Variants in P4HA3 observed in about 807,000 individuals in gnomAD.
P4HA3 encodes the protein prolyl 4-hydroxylase subunit alpha 3, also known as prolyl 4-hydroxylase subunit alpha-3.
Under a neutral mutation model 66.7 loss-of-function variants are expected in P4HA3, and 60 were observed. The ratio of observed to expected loss-of-function variants is 0.90; its 90% CI spans 0.73 to 1.12. P4HA3 has a LOEUF of 1.12. P4HA3 is among the 50% of genes most tolerant of loss of function. The pLI is 0.00. For missense variants in P4HA3, 683 were observed against 685.8 expected (o/e 1.00, Z 0.05); for synonymous variants, 263 against 274.6 (o/e 0.96, Z 0.42).
intron 7 of P4HA3, chr11:74,285,596 C>T (rs959430924): frequency 9.7e-6 from 5 of 515,066 alleles, no homozygotes; most frequent in African/African-American, 5.7e-5. Context: ...CCAGAGAATC[C>T]TCTTGTACAT....
chr11:74,308,537 T>C (rs1005801548), intron 1 of P4HA3, among the ~76,000 whole-genome samples: 1 of 152,218 alleles, frequency 6.6e-6, no homozygotes, highest in Non-Finnish European at 1.5e-5. Context: ...AGACCCTGTC[T>C]CTTAAAAAGC....
At chr11:74,282,571 C>T (rs1484666467) in intron 7 of P4HA3, among the ~76,000 whole-genome samples, 1 of 152,098 alleles carries the variant, frequency 6.6e-6, no homozygotes, top group African/African-American at 2.4e-5. Context: ...AGCAGCCAGG[C>T]CATGGAGACT....
At chr11:74,278,666 C>T (rs1251130271) in intron 8 of P4HA3, among the ~76,000 whole-genome samples, 1 of 152,168 alleles carries the variant, frequency 6.6e-6, no homozygotes, top group Middle Eastern at 3.2e-3. Flanking sequence ...AGCAATGAGG[C>T]TGAGGTCATA....
At chr11:74,251,612 C>A (rs1468752651) in intron 15 of P4HA3, 11 of 1,606,980 alleles carry the variant, frequency 6.8e-6, no homozygotes, top group Non-Finnish European at 9.3e-6. Flanking sequence ...CCATCACTAA[C>A]CTTTATATGG....
chr11:74,310,415 A>G (rs764883116), intron 1 of P4HA3, among the ~76,000 whole-genome samples: 6 of 152,242 alleles, frequency 3.9e-5, no homozygotes, highest in Non-Finnish European at 8.8e-5. Flanking sequence ...TATCTTCTGC[A>G]TCAAGTATGT....
downstream of P4HA3, among the ~76,000 whole-genome samples, chr11:74,262,588 T>A (rs1859924641): frequency 6.6e-6 from 1 of 152,132 alleles, no homozygotes; most frequent in Non-Finnish European, 1.5e-5. Flanking sequence ...TTAAACCCCA[T>A]TTTCCTCCTT....
Position 74,279,363 on chromosome 11 carries a change from A to T in P4HA3, c.1175+25T>A, listed in dbSNP as rs544948636. On this transcript the variant is annotated intron_variant, in intron 8 of 12. Transcript: ENST00000331597. The stretch of plus-strand genomic sequence containing the variant: ...TACGGCCCGAGGGTGGGCAGCAGGT[A>T]TGACCAAGGAAGGGCCCTTCTTACC... The T allele has an allele frequency of 3.7e-6, 6 of 1,609,004 alleles. No homozygotes were observed. In the Admixed American group the frequency reaches 1.0e-4, roughly 27 times the overall value.
At chr11:74,279,579 G>C in intron 7 of P4HA3, 127 bp from the exon 8 acceptor site, 1 of 864,762 alleles carries the variant, frequency 1.2e-6, no homozygotes, top group Non-Finnish European at 1.9e-6. Flanking sequence ...TTAATTAGAG[G>C]ACATTTTGCA....
intron 9 of P4HA3, among the ~76,000 whole-genome samples, chr11:74,276,335 G>C (rs1860392618): frequency 6.6e-6 from 1 of 152,170 alleles, no homozygotes; most frequent in African/African-American, 2.4e-5. Context: ...GACTGAGGTG[G>C]GAGGATCGCT....
chr11:74,306,078 T>G (rs551409532), intron 1 of P4HA3, among the ~76,000 whole-genome samples: 1 of 151,892 alleles, frequency 6.6e-6, no homozygotes, highest in Non-Finnish European at 1.5e-5. Context: ...GGAGGCCACT[T>G]CAAAACTGCA....
intron 15 of P4HA3, among the ~76,000 whole-genome samples, chr11:74,252,250 TG>T (rs1457313017): frequency 6.4e-5 from 9 of 141,324 alleles, no homozygotes; most frequent in Admixed American, 3.4e-4. Context: ...TTTTTTTTTT[TG>T]TTTTTTTTTT....
intron 4 of P4HA3, among the ~76,000 whole-genome samples, chr11:74,291,844 T>A (rs1861038505): frequency 1.3e-5 from 2 of 152,202 alleles, no homozygotes; most frequent in South Asian, 4.1e-4. Flanking sequence ...GGATTCGGTT[T>A]GCCAGTATTT....
At position 74,275,422 on chromosome 11, in the gene P4HA3, T is replaced by C. The variant is rs761691481; in HGVS notation, c.1335+1563A>G. On this transcript the variant is annotated intron_variant, in intron 9 of 12. Transcript: ENST00000331597. Reference sequence around the variant, plus strand: ...TATTAAATTGTTCCAATACTGTCTATTGAAAAGATTGTATTTTCTTCATTG... The same window carrying C: ...TATTAAATTGTTCCAATACTGTCTACTGAAAAGATTGTATTTTCTTCATTG... Among the ~76,000 whole-genome samples the C allele has an allele frequency of 2.0e-4, 30 of 152,358 alleles. No homozygotes were observed. In the Middle Eastern group the frequency reaches 0.014, roughly 69 times the overall value.
intron 15 of P4HA3, chr11:74,252,515 G>A: frequency 2.2e-6 from 1 of 456,242 alleles, no homozygotes; most frequent in East Asian, 6.9e-5. Flanking sequence ...GAAGCTGGCA[G>A]AATATTAGCC....
In P4HA3 at chr11:74,276,415, A is replaced by T. The variant is rs186406673; in HGVS notation, c.1335+570T>A. Among the ~76,000 whole-genome samples the T allele has an allele frequency of 3.3e-3, 501 of 151,312 alleles. 4 individuals are homozygous for T. In the Middle Eastern group the frequency reaches 0.035, roughly 10 times the overall value. ...TTGTCTCTACAAAAAAAATTTTTTTAAATTAGCCAGGTGTAGTCCTAGAGC... is the reference window on the plus strand; with the variant it reads ...TTGTCTCTACAAAAAAAATTTTTTTTAATTAGCCAGGTGTAGTCCTAGAGC... On this transcript the variant is annotated intron_variant, in intron 9 of 12. Transcript: ENST00000331597.
intron 15 of P4HA3, among the ~76,000 whole-genome samples, chr11:74,256,466 C>T (rs1591078632): frequency 2.6e-5 from 4 of 152,206 alleles, no homozygotes; most frequent in African/African-American, 7.2e-5. Context: ...CCCACAGCCA[C>T]GGCCAGAGTG....
intron 4 of P4HA3, among the ~76,000 whole-genome samples, chr11:74,295,816 C>CTTTTAATT (rs1861194202): frequency 6.6e-6 from 1 of 152,166 alleles, no homozygotes; most frequent in Admixed American, 6.5e-5. Flanking sequence ...ATGAATTACT[C>CTTTTAATT]TGTTCTACAT....
At chr11:74,275,888 C>T (rs500398) in intron 9 of P4HA3, among the ~76,000 whole-genome samples, 38,342 of 152,020 alleles carry the variant, frequency 0.25, 5,347 homozygotes, top group Non-Finnish European at 0.32. Context: ...ACAGCAAAGT[C>T]ATGGAACCAA....
chr11:74,285,955 A>C lies in P4HA3; in HGVS notation c.964T>G (p.Cys322Gly). ...GCGTTGGAATTGGTCTCATAGGAACAGTAGAGGCTAGGGATCTGGTAGAGA... is the reference window on the plus strand; with the variant it reads ...GCGTTGGAATTGGTCTCATAGGAACCGTAGAGGCTAGGGATCTGGTAGAGA... ...PTLYQIPSLY[C>G]SYETNSNAYL... The change falls in exon 7 of 13, where the codon TGT (cysteine) becomes GGT (glycine). Residue 322 changes from cysteine to glycine, a missense_variant. By Grantham distance (159) the Cys-to-Gly change is radical (BLOSUM62 -3). Coordinates refer to ENST00000331597, the MANE Select transcript of P4HA3 (RefSeq NM_182904.5). 1 of 1,610,394 alleles carries C rather than the reference A, an allele frequency of 6.2e-7. No homozygotes were observed. Among genetic ancestry groups the C allele is most frequent in the Non-Finnish European group, 8.5e-7 (1 of 1,176,638 alleles).
Sources: gnomAD v4.1 joint callset for allele counts (sites outside exome capture counted in the v4.1 genomes callset) on GRCh38, gnomAD v4.1.1 for gene constraint, MANE v1.5 for transcripts, NCBI Gene and HGNC (gene_info 2026-07-23, HGNC 2026-07-21) for gene names.